Variants in CYP4F11 observed in about 807,000 individuals in gnomAD.
CYP4F11 encodes cytochrome P450 4F11.
A neutral mutation model predicts 62.2 loss-of-function variants in CYP4F11; 79 were observed. The ratio of observed to expected loss-of-function variants is 1.27; its 90% CI spans 1.06 to 1.53. The LOEUF is 1.53. CYP4F11 is among the 40% of genes most tolerant of loss of function. The pLI is 0.00. For synonymous variants in CYP4F11, 290 were observed against 263.7 expected, an observed-to-expected ratio of 1.10 and a Z score of -0.97; for missense variants, 777 against 680.5, an observed-to-expected ratio of 1.14 and a Z score of -1.58.
rs1568479704 is a variant in CYP4F11 at position 15,912,775 on chromosome 19, A to ATG, written c.*956_*957insCA. 5.8e-5 allele frequency: 2 copies of ATG among 34,552 alleles called. No individual in the cohort carries two copies. The highest frequency in any genetic ancestry group is 1.4e-4 in the African/African-American group (1 of 7,316). 2.1% of individuals were successfully genotyped at this position (34,552 alleles called of 1,614,324 possible). On this transcript the variant is annotated 3_prime_UTR_variant, in exon 12 of 12. Coordinates refer to ENST00000402119, the MANE Select transcript of CYP4F11 (RefSeq NM_021187.4). ...TGTGTGTGTGTGTGTGTGTGTGTAT[A>ATG]TATATATATATATAATATATATATA...
chr19:15,923,852 G>A lies in CYP4F11; in HGVS notation c.878C>T (p.Ser293Phe). Reference sequence around the variant, plus strand: ...CACATCAATGAAGTCTAAAGTCTTGGACTTTGCCTTGTTCTTGAGGAAATC... The same window carrying A: ...CACATCAATGAAGTCTAAAGTCTTGAACTTTGCCTTGTTCTTGAGGAAATC... ...IDDFLKNKAK[S>F]KTLDFIDVLL... The change falls in exon 6 of 12, where the codon TCC becomes TTC. Residue 293 changes from serine (S) to phenylalanine (F), a missense_variant. Ser to Phe is a radical substitution (Grantham distance 155). Coordinates refer to ENST00000402119, the MANE Select transcript of CYP4F11 (RefSeq NM_021187.4). The A allele has an allele frequency of 1.2e-6, 2 of 1,614,182 alleles. No individual in the cohort carries two copies. Among genetic ancestry groups the A allele is most frequent in the East Asian group, 2.2e-5 (1 of 44,876 alleles).
intron 8 of CYP4F11, among the ~76,000 whole-genome samples, chr19:15,915,584 T>G (rs1003385624): frequency 6.6e-6 from 1 of 152,218 alleles, no homozygotes; most frequent in Non-Finnish European, 1.5e-5. Flanking sequence ...ATTATTTTTA[T>G]GTATCTTTCT....
At chr19:15,919,288 C>A in intron 8 of CYP4F11, among the ~76,000 whole-genome samples, 2 of 146,866 alleles carry the variant, frequency 1.4e-5, no homozygotes, top group East Asian at 2.0e-4. Context: ...TCATTGACTC[C>A]TATTTATATA....
chr19:15,921,962 A>T, intron 8 of CYP4F11, 75 bp downstream of exon 8: 1 of 1,464,850 alleles, frequency 6.8e-7, no homozygotes, highest in Non-Finnish European at 9.0e-7. Flanking sequence ...TGACCAAAAA[A>T]ACTCCCTCCC....
intron 8 of CYP4F11, among the ~76,000 whole-genome samples, chr19:15,915,244 G>T (rs1418892549): frequency 6.6e-6 from 1 of 152,144 alleles, no homozygotes; most frequent in Admixed American, 6.5e-5. Flanking sequence ...CCACTGTTTT[G>T]CTCTTATTCA....
At chr19:15,925,759 C>CACACA (rs1555777902) in intron 4 of CYP4F11, among the ~76,000 whole-genome samples, 1 of 148,928 alleles carries the variant, frequency 6.7e-6, no homozygotes, top group African/African-American at 2.5e-5. Flanking sequence ...CACACACACA[C>CACACA]CCTGTAGTTG....
At chr19:15,919,193 A>G (rs1045667949) in intron 8 of CYP4F11, among the ~76,000 whole-genome samples, 6 of 148,162 alleles carry the variant, frequency 4.0e-5, no homozygotes, top group African/African-American at 1.5e-4. Context: ...TGAAATATAT[A>G]CATTTCATTG....
rs764885302 is a variant in CYP4F11, at chr19:15,934,445, G to A, written c.-37C>T. On this transcript the variant is annotated 5_prime_UTR_variant, in exon 1 of 12. Transcript: ENST00000402119. ...GACGGGATGGAGGGTGGGATCCTGA[G>A]GCCCAGGGAAGGGCCCAGGAAGCTC... 2.5e-6 allele frequency: 4 copies of A among 1,607,194 alleles called. No homozygotes were observed. The East Asian group carries it at 8.9e-5, about 36-fold the overall frequency.
rs758271246 is a variant in CYP4F11, at chr19:15,924,002, G to A, written c.728C>T (p.Thr243Met). The change falls in exon 6 of 12, where the codon ACG (threonine) becomes ATG (methionine). Residue 243 changes from threonine to methionine, a missense_variant. Coordinates refer to ENST00000402119, the MANE Select transcript of CYP4F11 (RefSeq NM_021187.4). ...AGGAGTGAGATAATACAGGAAGTCC[G>A]TGTGCAAGAGAATCTGCTGGTTTCT... is the stretch of plus-strand genomic sequence containing the variant. ...EKRNQQILLH[T>M]DFLYYLTPDG... The A allele has an allele frequency of 1.4e-5, 22 of 1,614,048 alleles. No individual in the cohort carries two copies. Among genetic ancestry groups the A allele is most frequent in the Middle Eastern group, 1.6e-4 (1 of 6,084 alleles).
In CYP4F11 at chr19:15,925,648, G is replaced by A. The variant is rs562853552; in HGVS notation, c.526-766C>T. On this transcript the variant is annotated intron_variant, in intron 4 of 11. Coordinates refer to ENST00000402119, the MANE Select transcript of CYP4F11 (RefSeq NM_021187.4). ...TTATACCTACGTAACAAACCTGCAC[G>A]TTCTGCACATGTATCCCAGAACTTA... 4.4e-4 allele frequency among the ~76,000 whole-genome samples: 66 copies of A among 150,916 alleles called. 1 individual carries two copies. In the South Asian group the frequency reaches 0.014, roughly 31 times the overall value.
Position 15,912,755 on chromosome 19 carries a change from G to GTATATATA in CYP4F11, c.*976_*977insTATATATA, listed in dbSNP as rs1568479632. ...TGTGTATATGTATATATGTGTGTGTGTGTGTGTGTGTGTGTGTATATATAT... is the reference window on the plus strand; with the variant it reads ...TGTGTATATGTATATATGTGTGTGTGTATATATATGTGTGTGTGTGTGTGTATATATAT... On this transcript the variant is annotated 3_prime_UTR_variant, in exon 12 of 12. Coordinates refer to ENST00000402119, the MANE Select transcript of CYP4F11 (RefSeq NM_021187.4). 1 of 17,100 alleles carries GTATATATA rather than the reference G, an allele frequency of 5.8e-5. No individual in the cohort carries two copies. The highest frequency in any genetic ancestry group is 2.2e-3 in the East Asian group (1 of 450). 1.1% of individuals were successfully genotyped at this position (17,100 alleles called of 1,614,324 possible).
At position 15,913,694 on chromosome 19, in the gene CYP4F11, T is replaced by C. The variant is rs1450399653; in HGVS notation, c.*38A>G. ...GCAGAGGTGTCAGCATAGTTTTGTT[T>C]CTGGGACTCTACAGAGGTGGGTGGG... is the stretch of plus-strand genomic sequence containing the variant. On this transcript the variant is annotated 3_prime_UTR_variant, in exon 12 of 12. Transcript: ENST00000402119. The C allele has an allele frequency of 1.3e-5, 21 of 1,612,104 alleles. No homozygotes were observed. Among genetic ancestry groups the C allele is most frequent in the East Asian group, 2.2e-5 (1 of 44,850 alleles).
At position 15,912,680 on chromosome 19, in the gene CYP4F11, A is replaced by AAAAAAAAAAAAAATAT. The variant is rs59091525; in HGVS notation, c.*1051_*1052insATATTTTTTTTTTTTT. On this transcript the variant is annotated 3_prime_UTR_variant, in exon 12 of 12. Coordinates refer to ENST00000402119, the MANE Select transcript of CYP4F11 (RefSeq NM_021187.4). ...TCACCATCCTCAGGAAAAAAAAAAA[A>AAAAAAAAAAAAAATAT]ATATATATATATATATATGTGTGTG... 3.0e-5 allele frequency: 2 copies of AAAAAAAAAAAAAATAT among 66,172 alleles called. No individual in the cohort carries two copies. Among genetic ancestry groups the AAAAAAAAAAAAAATAT allele is most frequent in the African/African-American group, 1.3e-4 (2 of 15,512 alleles). The allele number at this position is 66,172 out of a possible 1,614,324, so 4.1% of individuals were successfully genotyped here.
chr19:15,931,532 A>ATGAGTGAGTGAGGAGAGGAATGAG (rs1568257211), intron 1 of CYP4F11, among the ~76,000 whole-genome samples: 1 of 103,986 alleles, frequency 9.6e-6, no homozygotes, highest in Non-Finnish European at 2.2e-5. Flanking sequence ...CATCAGAGGA[A>ATGAGTGAGTGAGGAGAGGAATGAG]TGAGTGAGCG....
At chr19:15,930,879 G>A (rs1022913193) in intron 1 of CYP4F11, among the ~76,000 whole-genome samples, 15 of 152,134 alleles carry the variant, frequency 9.9e-5, no homozygotes, top group Admixed American at 2.0e-4. Context: ...AGGCGTAGAG[G>A]AGTGACTCTT....
intron 4 of CYP4F11, among the ~76,000 whole-genome samples, chr19:15,925,518 G>A (rs557973265): frequency 2.6e-5 from 4 of 152,014 alleles, no homozygotes; most frequent in South Asian, 4.2e-4. Context: ...CCTGTCAGGG[G>A]TTTGGGGACA....
At position 15,914,862 on chromosome 19, in the gene CYP4F11, C is replaced by T. The variant is rs749450646; in HGVS notation, c.1149G>A (p.Met383Ile). The change falls in exon 9 of 12, where the codon ATG becomes ATA. Residue 383 changes from methionine to isoleucine, a missense_variant. Physicochemically the swap from Met to Ile is conservative, Grantham distance 10. Coordinates refer to ENST00000402119, the MANE Select transcript of CYP4F11 (RefSeq NM_021187.4). ...DDLAQLPFLTMCIKESLRLHP... is the reference protein window; with the variant it reads ...DDLAQLPFLTICIKESLRLHP... ...GCAACCGCAGGCTCTCCTTAATGCA[C>T]ATGGTCAGGAAGGGCAGCTGGGCCA... is the stretch of plus-strand genomic sequence containing the variant. The T allele has an allele frequency of 3.7e-6, 6 of 1,614,150 alleles. No individual in the cohort carries two copies. The highest frequency in any genetic ancestry group is 2.2e-5 in the South Asian group (2 of 91,078).
At chr19:15,931,642 GA>G (rs1486229112) in intron 1 of CYP4F11, among the ~76,000 whole-genome samples, 26 of 62,682 alleles carry the variant, frequency 4.1e-4, no homozygotes, top group East Asian at 2.3e-3. Flanking sequence ...ATGAGTGAGC[GA>G]GGAGAGGAAT....
chr19:15,934,269 C>G lies in CYP4F11; in HGVS notation c.140G>C (p.Arg47Pro), dbSNP rs550803822. 5 of 1,613,746 alleles carry G rather than the reference C, an allele frequency of 3.1e-6. No homozygotes were observed. In the East Asian group the frequency reaches 6.7e-5, roughly 22 times the overall value. ...WTYTFYDNCR[R>P]LQCFPQPPKQ... ...CGGGGGTTGAGGAAAACACTGGAGG[C>G]GGCGGCAGTTGTCATAGAAGGTGTA... Residue 47 changes from arginine to proline, a missense_variant, in exon 1 of 12, where the codon CGC becomes CCC. Transcript: ENST00000402119.
Sources: allele counts gnomAD v4.1 joint callset (sites outside exome capture counted in the v4.1 genomes callset), GRCh38; gene constraint gnomAD v4.1.1; transcripts MANE v1.5; gene names NCBI Gene and HGNC (gene_info 2026-07-23, HGNC 2026-07-21).